Variants in LIN28B observed in about 807,000 individuals in gnomAD.
LIN28B encodes the protein lin-28 RNA binding posttranscriptional regulator B.
A neutral mutation model predicts 21.9 loss-of-function variants in LIN28B; 5 were observed. That is an observed-to-expected ratio of 0.23 (90% confidence interval 0.12 to 0.48). The LOEUF is 0.48. Ranked by LOEUF, LIN28B falls within the 20% of genes least tolerant of loss-of-function variation. LIN28B has a pLI of 0.98. For synonymous variants in LIN28B, 109 were observed against 111.3 expected (o/e 0.98, Z 0.13); for missense variants, 245 against 310.5 (o/e 0.79, Z 1.58).
intron 2 of LIN28B, among the ~76,000 whole-genome samples, chr6:104,983,583 T>C (rs1770269968): frequency 6.6e-6 from 1 of 152,188 alleles, no homozygotes; most frequent in South Asian, 2.1e-4. Flanking sequence ...TTTGTTTTTG[T>C]TTTTGTTTTG....
chr6:105,047,646 A>G (rs1207536368), intron 3 of LIN28B, among the ~76,000 whole-genome samples: 1 of 152,214 alleles, frequency 6.6e-6, no homozygotes, highest in East Asian at 1.9e-4. Context: ...CTTCCTATCC[A>G]TGAGCATGGA....
chr6:104,977,582 T>G (rs1313428957), intron 2 of LIN28B, among the ~76,000 whole-genome samples: 1 of 152,054 alleles, frequency 6.6e-6, no homozygotes, highest in Non-Finnish European at 1.5e-5. Flanking sequence ...TTGTTGTTGT[T>G]GTTGAGACAG....
intron 3 of LIN28B, among the ~76,000 whole-genome samples, chr6:105,062,311 T>C (rs1322880993): frequency 6.6e-6 from 1 of 152,138 alleles, no homozygotes; most frequent in Non-Finnish European, 1.5e-5. Flanking sequence ...TTGTTCTGTT[T>C]TGTTTTGTTT....
At chr6:105,030,308 G>C (rs1227829384) in intron 3 of LIN28B, among the ~76,000 whole-genome samples, 2 of 152,168 alleles carry the variant, frequency 1.3e-5, no homozygotes, top group Non-Finnish European at 2.9e-5. Context: ...GGCTGGAACA[G>C]TTACCAAGGC....
chr6:104,951,359 G>T (rs1244017506), intron 3 of LIN28B, among the ~76,000 whole-genome samples: 2 of 152,008 alleles, frequency 1.3e-5, no homozygotes, highest in Non-Finnish European at 2.9e-5. Flanking sequence ...CAAAAAGTTG[G>T]ATGAGGAAAC....
intron 3 of LIN28B, among the ~76,000 whole-genome samples, chr6:105,066,328 A>G (rs1772219040): frequency 6.6e-6 from 1 of 152,212 alleles, no homozygotes; most frequent in South Asian, 2.1e-4. Flanking sequence ...GTTGCATCAA[A>G]GGTAACCCAG....
chr6:105,026,925 T>G (rs1422739611), intron 3 of LIN28B, among the ~76,000 whole-genome samples: 1 of 152,062 alleles, frequency 6.6e-6, no homozygotes, highest in Non-Finnish European at 1.5e-5. Flanking sequence ...ATCCTAGAGG[T>G]GGGAATTATA....
chr6:105,081,508 G>A lies in LIN28B; in HGVS notation c.*2725G>A, dbSNP rs1285497891. The A allele has an allele frequency of 6.6e-6, 1 of 152,496 alleles. No homozygotes were observed. Among genetic ancestry groups the A allele is most frequent in the Admixed American group, 6.6e-5 (1 of 15,262 alleles). 9.4% of individuals were successfully genotyped at this position (152,496 alleles called of 1,614,324 possible). On this transcript the variant is annotated 3_prime_UTR_variant, in exon 4 of 4. Coordinates refer to ENST00000345080, the MANE Select transcript of LIN28B (RefSeq NM_001004317.4). ...CCTTACAGGTGGCTGATAATTCTCT[G>A]GTACAGAACCTTTTTATCTGTATTA... is the stretch of plus-strand genomic sequence containing the variant.
At position 104,950,527 on chromosome 6, in the gene LIN28B, T is replaced by C. The variant is rs1778208778; in HGVS notation, c.67+18T>C. 15 of 1,206,072 alleles carry C rather than the reference T, an allele frequency of 1.2e-5. No homozygotes were observed. The East Asian group carries it at 4.8e-4, about 38-fold the overall frequency. The allele number at this position is 1,206,072 out of a possible 1,614,324, so 74.7% of individuals were successfully genotyped here. ...AGCCCCAGGTTAGTCTTTTTTTTTT[T>C]TTTTAAATATTTTGTTTAATTAATG... On this transcript the variant is annotated intron_variant, in intron 3 of 5. Coordinates refer to the LIN28B transcript ENST00000635857.
chr6:105,002,789 A>C (rs1016049552), intron 2 of LIN28B, among the ~76,000 whole-genome samples: 4 of 152,208 alleles, frequency 2.6e-5, no homozygotes, highest in African/African-American at 9.6e-5. Context: ...CTTTGACAGT[A>C]TATTACAGTG....
chr6:104,945,809 C>T lies in LIN28B; in HGVS notation c.19-4652C>T, dbSNP rs144934359. 7.8e-3 allele frequency among the ~76,000 whole-genome samples: 1,180 copies of T among 152,176 alleles called. 12 individuals carry two copies. Among genetic ancestry groups the T allele is most frequent in the Non-Finnish European group, 0.013 (867 of 67,926 alleles). ...ATTTAAGCTAAAGAATTGTGTTTGC[C>T]AGCTGCTATCTGTGCCATAATATTG... is the stretch of plus-strand genomic sequence containing the variant. On this transcript the variant is annotated intron_variant, in intron 2 of 5. Transcript: ENST00000635857.
intron 3 of LIN28B, among the ~76,000 whole-genome samples, chr6:105,041,282 C>T (rs191549103): frequency 7.0e-4 from 106 of 152,114 alleles, no homozygotes; most frequent in African/African-American, 2.2e-3. Context: ...AGGCATCTCG[C>T]GAATTTACCT....
intron 3 of LIN28B, among the ~76,000 whole-genome samples, chr6:104,950,947 A>G (rs1470316818): frequency 6.6e-6 from 1 of 152,212 alleles, no homozygotes; most frequent in African/African-American, 2.4e-5. Context: ...AAAATAATTT[A>G]TCATAACAGA....
chr6:105,073,795 A>G (rs1772375922), intron 3 of LIN28B, among the ~76,000 whole-genome samples: 2 of 152,312 alleles, frequency 1.3e-5, no homozygotes, highest in South Asian at 4.1e-4. Flanking sequence ...TAACTGATGA[A>G]TATTTTCATT....
intron 3 of LIN28B, among the ~76,000 whole-genome samples, chr6:105,048,607 G>A (rs1033280165): frequency 1.3e-5 from 2 of 152,172 alleles, no homozygotes; most frequent in Non-Finnish European, 2.9e-5. Context: ...AGCTCCTCCT[G>A]TACCTCTGGT....
intron 2 of LIN28B, among the ~76,000 whole-genome samples, chr6:104,990,587 A>C (rs558898852): frequency 7.6e-6 from 1 of 130,956 alleles, no homozygotes; most frequent in African/African-American, 2.8e-5. Flanking sequence ...TTTTTTATTG[A>C]TCATTCTTGG....
At chr6:105,069,460 C>G (rs746014247) in intron 3 of LIN28B, among the ~76,000 whole-genome samples, 1 of 151,886 alleles carries the variant, frequency 6.6e-6, no homozygotes, top group Non-Finnish European at 1.5e-5. Flanking sequence ...TGCAGTGGCT[C>G]ACGCCTCTAA....
intron 2 of LIN28B, among the ~76,000 whole-genome samples, chr6:105,007,564 G>A (rs1013717185): frequency 4.7e-5 from 7 of 149,090 alleles, no homozygotes; most frequent in Admixed American, 2.0e-4. Flanking sequence ...TCGCTCTGTT[G>A]CCCAGGCTGG....
chr6:104,955,746 T>C (rs1778278279), upstream of LIN28B, among the ~76,000 whole-genome samples: 1 of 149,006 alleles, frequency 6.7e-6, no homozygotes, highest in South Asian at 2.2e-4. Context: ...GTTAGTTTCT[T>C]GGTAAACTGC....
Sources: gnomAD v4.1 joint callset for allele counts (sites outside exome capture counted in the v4.1 genomes callset) on GRCh38, gnomAD v4.1.1 for gene constraint, MANE v1.5 for transcripts, NCBI Gene and HGNC (gene_info 2026-07-23, HGNC 2026-07-21) for gene names.